FAM228B: variants seen among roughly 807,000 people sequenced by gnomAD.
The protein encoded by FAM228B is protein FAM228B.
In FAM228B, 38 loss-of-function variants were observed where a neutral mutation model predicts 42.6. The ratio of observed to expected loss-of-function variants is 0.89; its 90% confidence interval spans 0.69 to 1.17. FAM228B has a LOEUF of 1.17. Among genes scored for constraint, FAM228B ranks in the 50% most tolerant of loss-of-function variants. FAM228B has a pLI of 0.00. For missense variants in FAM228B, 344 were observed against 367.3 expected (o/e 0.94, Z 0.52); for synonymous variants, 109 against 122.3 (o/e 0.89, Z 0.72).
chr2:24,114,484 A>G (rs1423859299), intron 3 of FAM228B, among the ~76,000 whole-genome samples: 1 of 152,164 alleles, frequency 6.6e-6, no homozygotes, highest in African/African-American at 2.4e-5. Flanking sequence ...GAACCATTAT[A>G]TCCTATCTTG....
chr2:24,112,723 C>A (rs1388698326), intron 3 of FAM228B, among the ~76,000 whole-genome samples: 3 of 152,210 alleles, frequency 2.0e-5, no homozygotes. Context: ...TACCCCACAG[C>A]ACTGCTTGAT....
Position 24,169,577 on chromosome 2 carries a change from T to C in FAM228B, c.*236T>C. ...AATTAAGAAATGGCAATACCATGTA[T>C]TTTCCCCAGAAGTTAAGAAATATTG... On this transcript the variant is annotated 3_prime_UTR_variant, in exon 11 of 11. Coordinates refer to ENST00000615575, the MANE Select transcript of FAM228B (RefSeq NM_001145710.2). The surrounding 1 kb of genome is among the most constrained non-coding windows in gnomAD (Gnocchi z 4.2). 1 of 283,340 alleles carries C rather than the reference T, an allele frequency of 3.5e-6. No homozygotes were observed. The allele number at this position is 283,340 out of a possible 1,614,324, so 17.6% of individuals were successfully genotyped here.
intron 2 of FAM228B, among the ~76,000 whole-genome samples, chr2:24,129,104 C>G (rs1228354314): frequency 6.6e-6 from 1 of 152,028 alleles, no homozygotes; most frequent in African/African-American, 2.4e-5. Flanking sequence ...TTGCAGTTCT[C>G]CAGAGCTCCA....
At chr2:24,117,098 C>T (rs1460448332) in intron 3 of FAM228B, among the ~76,000 whole-genome samples, 1 of 150,516 alleles carries the variant, frequency 6.6e-6, no homozygotes, top group Non-Finnish European at 1.5e-5. Context: ...TCACCGCAAC[C>T]TCTGCCTCTC....
chr2:24,124,095 TGGGAATCCATTCCAAGGGACGG>T (rs1239205905), intron 1 of FAM228B: 3 of 296,632 alleles, frequency 1.0e-5, no homozygotes, highest in Non-Finnish European at 1.9e-5. Context: ...GAGGGGGACG[TGGGAATCCATTCCAAGGGACGG>T]GGGATTCTTT....
intron 3 of FAM228B, among the ~76,000 whole-genome samples, chr2:24,136,731 T>A (rs1428116915): frequency 1.3e-5 from 2 of 152,240 alleles, no homozygotes; most frequent in South Asian, 2.1e-4. Flanking sequence ...TGAAAAAAAA[T>A]TAATCATTTT....
chr2:24,097,711 T>C (rs1665529182), intron 3 of FAM228B, among the ~76,000 whole-genome samples: 1 of 152,130 alleles, frequency 6.6e-6, no homozygotes, highest in South Asian at 2.1e-4. Context: ...ACTGTCAATA[T>C]TAGACAGATC....
chr2:24,135,846 G>A (rs1310815618), intron 3 of FAM228B, among the ~76,000 whole-genome samples: 1 of 151,842 alleles, frequency 6.6e-6, no homozygotes, highest in Non-Finnish European at 1.5e-5. Context: ...GGTTTAGTGA[G>A]AATGAATTAG....
chr2:24,116,117 A>G (rs2151002662), intron 3 of FAM228B, among the ~76,000 whole-genome samples: 1 of 152,088 alleles, frequency 6.6e-6, no homozygotes, highest in South Asian at 2.1e-4. Flanking sequence ...TCATGAGGTC[A>G]GGAGATCGAG....
intron 1 of FAM228B, among the ~76,000 whole-genome samples, chr2:24,078,502 A>G (rs1335942405): frequency 1.3e-5 from 2 of 148,350 alleles, no homozygotes; most frequent in African/African-American, 2.5e-5. Flanking sequence ...AAAAAAAAAA[A>G]AGTACATGCT....
rs771895930 is a variant in FAM228B, at chr2:24,161,456, A to G, written c.687-50A>G. 5.4e-6 allele frequency: 6 copies of G among 1,117,560 alleles called. No homozygotes were observed. The South Asian group carries it at 8.5e-5, about 16-fold the overall frequency. The allele number at this position is 1,117,560 out of a possible 1,614,324, so 69.2% of individuals were successfully genotyped here. On this transcript the variant is annotated intron_variant, in intron 7 of 10. Transcript: ENST00000615575. The stretch of plus-strand genomic sequence containing the variant: ...AACAGAGATCTTGTCTCAAAAAACA[A>G]CAATAAAAAAGAACAAAAAAACCTT...
intron 7 of FAM228B, among the ~76,000 whole-genome samples, chr2:24,154,909 T>G (rs1162946737): frequency 6.6e-6 from 1 of 152,224 alleles, no homozygotes; most frequent in African/African-American, 2.4e-5. Flanking sequence ...CATTTGTTAT[T>G]TTTAAAAAGT....
At chr2:24,124,831 A>G (rs1391927037) in intron 2 of FAM228B, among the ~76,000 whole-genome samples, 2 of 152,124 alleles carry the variant, frequency 1.3e-5, no homozygotes, top group African/African-American at 4.8e-5. Context: ...AGTAGCTGGA[A>G]GTATAGGCGC....
At chr2:24,147,513 A>G (rs985214882) in intron 7 of FAM228B, among the ~76,000 whole-genome samples, 5 of 151,950 alleles carry the variant, frequency 3.3e-5, no homozygotes, top group African/African-American at 1.2e-4. Flanking sequence ...GACTCCAATT[A>G]TATGTATATT....
intron 2 of FAM228B, among the ~76,000 whole-genome samples, chr2:24,092,140 C>G (rs773404336): frequency 2.9e-5 from 4 of 139,790 alleles, no homozygotes; most frequent in Non-Finnish European, 4.5e-5. Flanking sequence ...ATGGAAAGAT[C>G]ACATGGGCCT....
chr2:24,105,228 C>G (rs1339333360), intron 3 of FAM228B, among the ~76,000 whole-genome samples: 1 of 152,228 alleles, frequency 6.6e-6, no homozygotes, highest in African/African-American at 2.4e-5. Flanking sequence ...GCTGACCTGG[C>G]AAGGTTACAG....
chr2:24,081,086 C>T, intron 2 of FAM228B: 1 of 1,512,636 alleles, frequency 6.6e-7, no homozygotes, highest in Non-Finnish European at 9.0e-7. Context: ...ACATTCCCCA[C>T]ACAGGCATAT....
chr2:24,155,531 A>ATATAT (rs1558393367), intron 7 of FAM228B, among the ~76,000 whole-genome samples: 15 of 13,036 alleles, frequency 1.2e-3, no homozygotes, highest in Non-Finnish European at 1.5e-3. Context: ...ATATATATAT[A>ATATAT]TTTTTTTTTT....
intron 7 of FAM228B, among the ~76,000 whole-genome samples, chr2:24,156,738 C>T (rs1418492273): frequency 6.6e-6 from 1 of 150,800 alleles, no homozygotes; most frequent in East Asian, 1.9e-4. Context: ...ATTTATTGAG[C>T]TCTGATGTAC....
Sources: allele counts gnomAD v4.1 joint callset (sites outside exome capture counted in the v4.1 genomes callset), GRCh38; gene constraint gnomAD v4.1.1; non-coding constraint Gnocchi (gnomAD v3.1); transcripts MANE v1.5; gene names NCBI Gene and HGNC (gene_info 2026-07-23, HGNC 2026-07-21).